The following DEPDC1B variants were observed in gnomAD, a reference collection of about 807,000 sequenced individuals.
DEPDC1B encodes the protein DEP domain-containing protein 1B.
DEPDC1B carries 51 observed loss-of-function variants against 66.5 expected under a neutral mutation model. The observed-to-expected ratio is 0.77, with a 90% CI of 0.61 to 0.97. The LOEUF is 0.97. DEPDC1B is among the 50% of genes least tolerant of loss of function. The pLI, the probability that DEPDC1B is intolerant of heterozygous loss-of-function variation, is 0.00. For missense variants in DEPDC1B, 552 were observed against 637.1 expected (o/e 0.87, Z 1.44); for synonymous variants, 226 against 223.6 (o/e 1.01, Z -0.10).
intron 7 of DEPDC1B, among the ~76,000 whole-genome samples, chr5:60,620,322 C>A (rs1752672083): frequency 6.6e-6 from 1 of 152,088 alleles, no homozygotes; most frequent in Non-Finnish European, 1.5e-5. Context: ...TTCTGCACAG[C>A]AAAAGCAACT....
At chr5:60,667,280 A>G (rs116190557) in intron 2 of DEPDC1B, among the ~76,000 whole-genome samples, 3,631 of 152,094 alleles carry the variant, frequency 0.024, 127 homozygotes, top group Admixed American at 0.095. Context: ...GTTCATCAAG[A>G]TACCATAAAG....
Position 60,597,910 on chromosome 5 carries a change from T to C in DEPDC1B, c.1433A>G (p.Gln478Arg), listed in dbSNP as rs1584014973. The change falls in exon 11 of 11, where the codon CAG (glutamine) becomes CGG (arginine). Residue 478 changes from glutamine (Q) to arginine (R), a missense_variant. By Grantham distance (43) the Gln-to-Arg change is conservative. Transcript: ENST00000265036. ...KEKKKKLKQF[Q>R]KSYPEVYQER... Reference sequence around the variant, plus strand: ...TTGATAGACTTCAGGATAGGATTTCTGAAACTAAAAAAATGAATGGTCCAA... The same window carrying C: ...TTGATAGACTTCAGGATAGGATTTCCGAAACTAAAAAAATGAATGGTCCAA... 1.3e-6 allele frequency: 2 copies of C among 1,590,488 alleles called. No homozygotes were observed. Among genetic ancestry groups the C allele is most frequent in the Non-Finnish European group, 1.7e-6 (2 of 1,174,380 alleles).
intron 2 of DEPDC1B, among the ~76,000 whole-genome samples, chr5:60,657,186 T>C (rs1753597927): frequency 6.6e-6 from 1 of 152,246 alleles, no homozygotes. Context: ...TGAGTGCTTA[T>C]GTGTTAGGTG....
chr5:60,652,729 A>G (rs1753485600), intron 2 of DEPDC1B, among the ~76,000 whole-genome samples: 1 of 148,970 alleles, frequency 6.7e-6, no homozygotes, highest in Admixed American at 6.7e-5. Context: ...ACTGTAACCA[A>G]TGTATAGTCT....
intron 4 of DEPDC1B, 80 bp from the exon 5 acceptor site, chr5:60,644,955 A>G (rs1015276831): frequency 1.7e-6 from 2 of 1,143,424 alleles, no homozygotes; most frequent in Admixed American, 2.8e-5. Context: ...CAAAAAATCA[A>G]TCTTTATAAT....
intron 1 of DEPDC1B, 51 bp downstream of exon 1, chr5:60,699,995 G>C (rs889716323): frequency 4.5e-6 from 7 of 1,542,050 alleles, no homozygotes; most frequent in Middle Eastern, 1.7e-4. Flanking sequence ...CGCGCTGAGT[G>C]GGGGCTCGCG....
At chr5:60,598,212 T>C (rs1293407549) in intron 10 of DEPDC1B, among the ~76,000 whole-genome samples, 2 of 152,198 alleles carry the variant, frequency 1.3e-5, no homozygotes, top group Non-Finnish European at 2.9e-5. Context: ...TTCTACACAG[T>C]TAAATAAAAT....
At chr5:60,673,928 C>A (rs1339565339) in intron 2 of DEPDC1B, among the ~76,000 whole-genome samples, 1 of 152,120 alleles carries the variant, frequency 6.6e-6, no homozygotes, top group Admixed American at 6.5e-5. Context: ...CATTTAAACT[C>A]ATTTATGCCT....
At position 60,634,951 on chromosome 5, in the gene DEPDC1B, C is replaced by A. The variant is rs1018047851; in HGVS notation, c.898+3799G>T. 2.0e-5 allele frequency among the ~76,000 whole-genome samples: 3 copies of A among 151,518 alleles called. 1 individual carries two copies. The Middle Eastern group carries it at 0.01, about 515-fold the overall frequency. On this transcript the variant is annotated intron_variant, in intron 7 of 10. Transcript: ENST00000265036. ...GTGCATGCCTGTAATCCCAGCTACT[C>A]AGGAGGCTGAGGCAAAAGAATCACT...
At chr5:60,662,499 C>T (rs564382205) in intron 2 of DEPDC1B, among the ~76,000 whole-genome samples, 11 of 152,134 alleles carry the variant, frequency 7.2e-5, no homozygotes, top group South Asian at 2.1e-4. Context: ...ACAGGTGGAA[C>T]GGGACAAATA....
rs1753272991 is a variant in DEPDC1B, at chr5:60,644,826, T to C, written c.628A>G (p.Lys210Glu). The change falls in exon 5 of 11, where the codon AAA (lysine) becomes GAA (glutamate). Residue 210 changes from lysine to glutamate, a missense_variant. By Grantham distance (56) the Lys-to-Glu change is moderately conservative (BLOSUM62 1). Coordinates refer to ENST00000265036, the MANE Select transcript of DEPDC1B (RefSeq NM_018369.3). ...LDSLEEVLDV[K>E]LVNSKFIIHN... ...ATGATGAACTTCGAATTGACAAGTT[T>C]GACGTCTAAAACTTCTTCTAAGGAA... The C allele has an allele frequency of 6.2e-7, 1 of 1,611,564 alleles. No homozygotes were observed.
At chr5:60,675,757 G>C (rs1754141068) in intron 2 of DEPDC1B, among the ~76,000 whole-genome samples, 3 of 151,964 alleles carry the variant, frequency 2.0e-5, no homozygotes, top group Admixed American at 1.3e-4. Flanking sequence ...AGGCAATATC[G>C]CTTTCACCAG....
Position 60,667,638 on chromosome 5 carries a change from T to TA in DEPDC1B, c.314+19323_314+19324insT, listed in dbSNP as rs1753884155. Among the ~76,000 whole-genome samples the TA allele has an allele frequency of 9.1e-5, 12 of 131,452 alleles. 1 individual carries two copies. Among genetic ancestry groups the TA allele is most frequent in the Admixed American group, 1.7e-4 (2 of 11,724 alleles). The allele number at this position is 131,452 out of a possible 152,430, so 86.2% of individuals were successfully genotyped here. On this transcript the variant is annotated intron_variant, in intron 2 of 10. Transcript: ENST00000265036. ...ATAAAAAATGGATATTTTACATATA[T>TA]GAAAAATGGATATTTTACATGTATA... is the stretch of plus-strand genomic sequence containing the variant.
intron 2 of DEPDC1B, among the ~76,000 whole-genome samples, chr5:60,657,474 T>A (rs923431210): frequency 1.5e-4 from 23 of 152,248 alleles, no homozygotes; most frequent in African/African-American, 5.3e-4. Flanking sequence ...CTTTTAGCAG[T>A]TCTTATAGTA....
At chr5:60,613,026 T>C (rs1034193267) in intron 7 of DEPDC1B, among the ~76,000 whole-genome samples, 1 of 152,244 alleles carries the variant, frequency 6.6e-6, no homozygotes, top group African/African-American at 2.4e-5. Flanking sequence ...ATTGCTTTTT[T>C]GTAGTCTTCA....
chr5:60,678,427 G>C (rs1754220503), intron 2 of DEPDC1B, among the ~76,000 whole-genome samples: 1 of 152,130 alleles, frequency 6.6e-6, no homozygotes, highest in Non-Finnish European at 1.5e-5. Flanking sequence ...TAAATACCCA[G>C]GAGTAGGAAT....
At chr5:60,667,612 TATA>T (rs1416287024) in intron 2 of DEPDC1B, among the ~76,000 whole-genome samples, 4 of 145,402 alleles carry the variant, frequency 2.8e-5, no homozygotes, top group African/African-American at 7.5e-5. Flanking sequence ...TTTACATATA[TATA>T]AAAAATGGAT....
intron 5 of DEPDC1B, 115 bp downstream of exon 5, chr5:60,644,630 C>A (rs545673848): frequency 3.8e-6 from 3 of 792,494 alleles, no homozygotes; most frequent in East Asian, 3.0e-5. Flanking sequence ...AAAGAATATA[C>A]GTAATGAAGG....
chr5:60,609,385 T>G (rs1752372240), intron 7 of DEPDC1B, among the ~76,000 whole-genome samples: 1 of 152,142 alleles, frequency 6.6e-6, no homozygotes, highest in Non-Finnish European at 1.5e-5. Flanking sequence ...AAGCCTATGC[T>G]ACTATCTCTT....
Sources: allele counts gnomAD v4.1 joint callset (sites outside exome capture counted in the v4.1 genomes callset), GRCh38; gene constraint gnomAD v4.1.1; transcripts MANE v1.5; gene names NCBI Gene and HGNC (gene_info 2026-07-23, HGNC 2026-07-21).